Variants in PLA2G4E observed in about 807,000 individuals in gnomAD.
PLA2G4E encodes the protein phospholipase A2 group IVE.
In PLA2G4E, 84 loss-of-function variants were observed where a neutral mutation model predicts 109.1. The ratio of observed to expected loss-of-function variants is 0.77; its 90% CI spans 0.65 to 0.92. PLA2G4E has a LOEUF of 0.92. Ranked by LOEUF, PLA2G4E falls within the 40% of genes least tolerant of loss-of-function variation. The probability of loss-of-function intolerance (pLI) is 0.00; values close to 1 mark genes in which losing one functional copy is unlikely to be tolerated. For synonymous variants in PLA2G4E, 469 were observed against 436.1 expected, an observed-to-expected ratio of 1.08 and a Z score of -0.94; for missense variants, 1,057 against 1,076.6, an observed-to-expected ratio of 0.98 and a Z score of 0.25.
At chr15:42,035,410 C>T (rs143356186) in intron 1 of PLA2G4E, among the ~76,000 whole-genome samples, 125 of 152,312 alleles carry the variant, frequency 8.2e-4, no homozygotes, top group African/African-American at 2.9e-3. Flanking sequence ...AGATGAAAAG[C>T]GTTGGTTATT....
chr15:42,001,804 A>C (rs957338922), intron 6 of PLA2G4E, among the ~76,000 whole-genome samples: 2 of 152,078 alleles, frequency 1.3e-5, no homozygotes, highest in African/African-American at 2.4e-5. Context: ...CGATCCTCCC[A>C]CCTCAGCCTC....
At chr15:41,992,996 G>T (rs747801102) in intron 12 of PLA2G4E, 37 bp from the exon 13 acceptor site, 2 of 1,556,900 alleles carry the variant, frequency 1.3e-6, no homozygotes, top group Non-Finnish European at 1.7e-6. Context: ...GGGCTGACCC[G>T]GCCCCTGTCT....
chr15:42,017,339 C>G (rs1005740604), intron 1 of PLA2G4E, among the ~76,000 whole-genome samples: 1 of 152,228 alleles, frequency 6.6e-6, no homozygotes, highest in African/African-American at 2.4e-5. Flanking sequence ...CTCCCATCAT[C>G]TAACCTCAGT....
chr15:42,001,784 T>C (rs1417348505), intron 6 of PLA2G4E, among the ~76,000 whole-genome samples: 2 of 152,164 alleles, frequency 1.3e-5, no homozygotes, highest in Non-Finnish European at 2.9e-5. Flanking sequence ...CTTGACCTCC[T>C]GGGCTCAAGC....
At chr15:42,025,545 G>A (rs1242760990) in intron 1 of PLA2G4E, among the ~76,000 whole-genome samples, 3 of 152,096 alleles carry the variant, frequency 2.0e-5, no homozygotes, top group South Asian at 4.2e-4. Flanking sequence ...CACCTGAAGG[G>A]AAAGGAATGT....
intron 1 of PLA2G4E, among the ~76,000 whole-genome samples, chr15:42,047,510 C>T (rs1003959551): frequency 6.6e-6 from 1 of 152,232 alleles, no homozygotes; most frequent in Non-Finnish European, 1.5e-5. Context: ...CGAATCCCCT[C>T]CCAAATGTCC....
At chr15:42,002,619 C>A (rs1275487106) in intron 6 of PLA2G4E, 35 bp downstream of exon 6, 2 of 1,561,508 alleles carry the variant, frequency 1.3e-6, no homozygotes, top group Admixed American at 3.8e-5. Flanking sequence ...CCAGCCGTGG[C>A]CTCTGGAGCT....
intron 1 of PLA2G4E, among the ~76,000 whole-genome samples, chr15:42,041,504 A>G (rs1369320106): frequency 6.6e-6 from 1 of 152,030 alleles, no homozygotes; most frequent in East Asian, 1.9e-4. Flanking sequence ...TTGGGGAAAG[A>G]GGTTGGGACT....
chr15:42,020,371 G>T (rs868270804), intron 1 of PLA2G4E, among the ~76,000 whole-genome samples: 1 of 152,238 alleles, frequency 6.6e-6, no homozygotes, highest in African/African-American at 2.4e-5. Context: ...CTGAGGCAGA[G>T]TTGGTCTAGA....
intron 19 of PLA2G4E, 44 bp downstream of exon 19, chr15:41,984,392 C>A (rs745578540): frequency 6.4e-7 from 1 of 1,561,638 alleles, no homozygotes; most frequent in South Asian, 1.2e-5. Flanking sequence ...CATTCCCGGG[C>A]CAAGGGCAGC....
chr15:42,044,935 G>A (rs1382654585), intron 1 of PLA2G4E, among the ~76,000 whole-genome samples: 1 of 152,140 alleles, frequency 6.6e-6, no homozygotes, highest in African/African-American at 2.4e-5. Flanking sequence ...AGAGATGGAA[G>A]CAGTGGTGGA....
intron 11 of PLA2G4E, among the ~76,000 whole-genome samples, chr15:41,996,407 A>G (rs2068342091): frequency 6.8e-6 from 1 of 147,798 alleles, no homozygotes; most frequent in South Asian, 2.2e-4. Flanking sequence ...CTTTGTCAAG[A>G]CTCATTCTGT....
At chr15:42,009,035 T>C (rs1046144521) in intron 2 of PLA2G4E, 8 of 152,210 alleles carry the variant, frequency 5.3e-5, no homozygotes, top group African/African-American at 1.9e-4. Flanking sequence ...TCTGATTTCA[T>C]CCCTGAAGTC....
Position 42,000,191 on chromosome 15 carries a change from G to T in PLA2G4E, c.765C>A (p.Cys255Ter), listed in dbSNP as rs183771050. The change falls in exon 8 of 20, where the codon TGC becomes TGA. Residue 255 changes from cysteine to a stop codon, truncating the protein, a stop_gained. Coordinates refer to ENST00000399518, the Ensembl canonical transcript of PLA2G4E. LOFTEE classifies it high-confidence loss of function. ...AGTGGAAGCAGGCAGCGGTTTGGAA[G>T]CAGGCAGAGGTTGGGCAGCAGGGTT... 2 of 1,594,126 alleles carry T rather than the reference G, an allele frequency of 1.3e-6. No homozygotes were observed. The highest frequency in any genetic ancestry group is 1.7e-6 in the Non-Finnish European group (2 of 1,170,324).
intron 1 of PLA2G4E, among the ~76,000 whole-genome samples, chr15:42,015,423 C>T (rs1323672318): frequency 6.6e-6 from 1 of 152,208 alleles, no homozygotes; most frequent in East Asian, 1.9e-4. Flanking sequence ...TCACCCCTCT[C>T]CTGGCCAGCG....
At chr15:42,029,138 C>T (rs1889072841) in intron 1 of PLA2G4E, among the ~76,000 whole-genome samples, 1 of 152,192 alleles carries the variant, frequency 6.6e-6, no homozygotes, top group Admixed American at 6.5e-5. Context: ...GTTGCCCAGA[C>T]TGGAGTGCAG....
chr15:42,013,141 C>T (rs2068554313), intron 2 of PLA2G4E, among the ~76,000 whole-genome samples: 1 of 152,204 alleles, frequency 6.6e-6, no homozygotes, highest in Non-Finnish European at 1.5e-5. Context: ...AGTCAAGCCA[C>T]ATCCATGGGC....
At chr15:42,024,763 C>T (rs2068678605) in intron 1 of PLA2G4E, among the ~76,000 whole-genome samples, 1 of 152,186 alleles carries the variant, frequency 6.6e-6, no homozygotes, top group Non-Finnish European at 1.5e-5. Context: ...CTGAAAAGCA[C>T]CTAACGCTTT....
At chr15:42,032,206 G>T (rs1889124803) in intron 1 of PLA2G4E, among the ~76,000 whole-genome samples, 1 of 152,152 alleles carries the variant, frequency 6.6e-6, no homozygotes, top group South Asian at 2.1e-4. Flanking sequence ...TCTTTTCTTT[G>T]TAAATTACCT....
Sources: allele counts gnomAD v4.1 joint callset (sites outside exome capture counted in the v4.1 genomes callset), GRCh38; gene constraint gnomAD v4.1.1; transcripts MANE v1.5; gene names NCBI Gene and HGNC (gene_info 2026-07-23, HGNC 2026-07-21).